Variants in DMXL1 observed in about 807,000 individuals in gnomAD.
The protein encoded by DMXL1 is dmX-like protein 1.
DMXL1 carries 99 observed loss-of-function variants against 319.2 expected under a neutral mutation model. The ratio of observed to expected loss-of-function variants is 0.31; its 90% CI spans 0.26 to 0.37. DMXL1 has a LOEUF of 0.37. DMXL1 is among the 10% of genes least tolerant of loss of function. DMXL1 has a pLI of 1.00. For missense variants in DMXL1, 3,745 were observed against 3,595.6 expected (o/e 1.04, Z -1.06); for synonymous variants, 1,385 against 1,235.2 (o/e 1.12, Z -2.54).
rs901249029 is a variant in DMXL1, at chr5:119,123,129, C to G, written c.1102+1990C>G. On this transcript the variant is annotated intron_variant, in intron 9 of 43. Transcript: ENST00000539542. Reference sequence around the variant, plus strand: ...CGGCCCGGCCAACACAGCGAAATCCCGTCTCCACCAAAAAAATACGAAAAC... The same window carrying G: ...CGGCCCGGCCAACACAGCGAAATCCGGTCTCCACCAAAAAAATACGAAAAC... Among the ~76,000 whole-genome samples the G allele has an allele frequency of 2.3e-4, 35 of 152,134 alleles. 1 individual carries two copies. The highest frequency in any genetic ancestry group is 7.9e-4 in the African/African-American group (33 of 41,548).
At chr5:119,108,512 TC>T (rs1758849747) in intron 4 of DMXL1, among the ~76,000 whole-genome samples, 1 of 152,194 alleles carries the variant, frequency 6.6e-6, no homozygotes, top group South Asian at 2.1e-4. Context: ...CAGCCTTGAC[TC>T]CCCAGGCTTG....
chr5:119,075,807 C>A (rs1285989491), intron 1 of DMXL1, among the ~76,000 whole-genome samples: 1 of 151,878 alleles, frequency 6.6e-6, no homozygotes, highest in Non-Finnish European at 1.5e-5. Context: ...TCAAGTGATC[C>A]TCCCGCCTTG....
At chr5:119,165,796 T>G (rs925388984) in intron 21 of DMXL1, among the ~76,000 whole-genome samples, 3 of 152,188 alleles carry the variant, frequency 2.0e-5, no homozygotes, top group Non-Finnish European at 4.4e-5. Context: ...ATCACAAGAA[T>G]AGCATGGAAA....
chr5:119,181,832 CA>C (rs1447745231), intron 28 of DMXL1, among the ~76,000 whole-genome samples: 1 of 151,344 alleles, frequency 6.6e-6, no homozygotes, highest in African/African-American at 2.4e-5. Flanking sequence ...AGAAAAGGAG[CA>C]GGCAGAAAGA....
chr5:119,210,757 G>GTTTTTTTTTTTTTTTTTTTTTTTTTTT, intron 34 of DMXL1, among the ~76,000 whole-genome samples: 4 of 89,776 alleles, frequency 4.5e-5, no homozygotes, highest in Admixed American at 2.9e-4. Context: ...TTTTTCTTTC[G>GTTTTTTTTTTTTTTTTTTTTTTTTTTT]TTTTTTTTTT....
rs368074734 is a variant in DMXL1, at chr5:119,173,599, G to A, written c.6681+1630G>A. Among the ~76,000 whole-genome samples the A allele has an allele frequency of 9.8e-4, 148 of 150,478 alleles. 2 individuals are homozygous for A. The highest frequency in any genetic ancestry group is 3.5e-3 in the African/African-American group (144 of 40,956). The stretch of plus-strand genomic sequence containing the variant: ...ACTGACAGGAGAATCTGGGTCATAT[G>A]TATCTCATCCTCCAGCAGGCAAGCC... On this transcript the variant is annotated intron_variant, in intron 25 of 43. Coordinates refer to ENST00000539542, the MANE Select transcript of DMXL1 (RefSeq NM_001290321.3).
intron 33 of DMXL1, among the ~76,000 whole-genome samples, chr5:119,204,345 C>A (rs1781385084): frequency 6.6e-6 from 1 of 152,040 alleles, no homozygotes; most frequent in Admixed American, 6.6e-5. Flanking sequence ...CACCATATTG[C>A]CCAGGGTGGT....
At chr5:119,125,544 G>A (rs1763334160) in intron 9 of DMXL1, among the ~76,000 whole-genome samples, 1 of 151,748 alleles carries the variant, frequency 6.6e-6, no homozygotes, top group Non-Finnish European at 1.5e-5. Flanking sequence ...TTTTGTGTGT[G>A]TATATATATA....
chr5:119,224,754 C>G lies in DMXL1; in HGVS notation c.8323C>G (p.Pro2775Ala). 1 of 1,305,128 alleles carries G rather than the reference C, an allele frequency of 7.7e-7. No homozygotes were observed. Among genetic ancestry groups the G allele is most frequent in the Non-Finnish European group, 1.0e-6 (1 of 980,102 alleles). The allele number at this position is 1,305,128 out of a possible 1,614,324, so 80.8% of individuals were successfully genotyped here. The change falls in exon 38 of 44, where the codon CCA (proline) becomes GCA (alanine). Residue 2775 changes from proline to alanine, a missense_variant. By Grantham distance (27) the Pro-to-Ala change is conservative (BLOSUM62 -1). Transcript: ENST00000539542. Reference sequence around the variant, plus strand: ...TAATGTTAGAAGAATGACTTCTCATCCAACTCTTCCTTACTGTAAGTTGAA... The same window carrying G: ...TAATGTTAGAAGAATGACTTCTCATGCAACTCTTCCTTACTGTAAGTTGAA... ...INNVRRMTSH[P>A]TLPYYLTGAQ...
intron 35 of DMXL1, among the ~76,000 whole-genome samples, chr5:119,219,977 C>T (rs1784375442): frequency 6.6e-6 from 1 of 150,732 alleles, no homozygotes; most frequent in South Asian, 2.1e-4. Context: ...TATTTCTGCC[C>T]CTACACCTTT....
chr5:119,150,178 C>A lies in DMXL1; in HGVS notation c.4351C>A (p.Leu1451Ile), dbSNP rs1377795214. 6.2e-7 allele frequency: 1 copy of A among 1,613,600 alleles called. No homozygotes were observed. The highest frequency in any genetic ancestry group is 2.2e-5 in the East Asian group (1 of 44,896). Residue 1451 changes from leucine to isoleucine, a missense_variant, in exon 18 of 44, where the codon CTT (leucine) becomes ATT (isoleucine). By Grantham distance (5) the Leu-to-Ile change is conservative. Transcript: ENST00000539542. The part of the protein sequence containing the change: ...ESYDELFQTQ[L>I]LMTDTHMLET... ...TTATGATGAGCTTTTTCAGACTCAA[C>A]TTCTAATGACTGATACTCATATGTT...
intron 17 of DMXL1, among the ~76,000 whole-genome samples, chr5:119,147,994 C>G (rs1049745384): frequency 6.6e-6 from 1 of 152,196 alleles, no homozygotes; most frequent in Non-Finnish European, 1.5e-5. Context: ...CCTGGACTTA[C>G]AAACCTTTAA....
chr5:119,167,352 C>G (rs1278234468), intron 22 of DMXL1, among the ~76,000 whole-genome samples: 1 of 151,946 alleles, frequency 6.6e-6, no homozygotes, highest in African/African-American at 2.4e-5. Context: ...TCCATTGTTT[C>G]CTCATTTAGT....
chr5:119,105,082 C>A, intron 3 of DMXL1, 98 bp from the exon 4 acceptor site: 1 of 740,604 alleles, frequency 1.4e-6, no homozygotes, highest in Non-Finnish European at 2.4e-6. Context: ...TTAAAATTGA[C>A]TGCCTGTGTT....
chr5:119,108,353 A>C (rs1040969175), intron 4 of DMXL1, among the ~76,000 whole-genome samples: 4 of 152,136 alleles, frequency 2.6e-5, no homozygotes, highest in African/African-American at 9.7e-5. Context: ...CCCAAGTCAT[A>C]GAGTTGGAAT....
intron 22 of DMXL1, 34 bp from the exon 23 acceptor site, chr5:119,167,569 C>T (rs1305625357): frequency 6.6e-7 from 1 of 1,513,592 alleles, no homozygotes; most frequent in African/African-American, 1.4e-5. Flanking sequence ...GAAACCTGCT[C>T]CTGCTTATTT....
intron 10 of DMXL1, chr5:119,132,735 C>CA (rs892482766): frequency 9.6e-5 from 51 of 529,934 alleles, no homozygotes; most frequent in African/African-American, 9.5e-4. Flanking sequence ...CCTATATTGG[C>CA]ATTGCTGCTG....
At chr5:119,233,614 A>G (rs1163060750) in intron 39 of DMXL1, 147 bp downstream of exon 39, 7 of 569,124 alleles carry the variant, frequency 1.2e-5, no homozygotes, top group East Asian at 6.1e-5. Context: ...CTCAAAGAAC[A>G]CTTAACTTCA....
At chr5:119,166,570 GAAAATTGTATTCCAA>G in intron 21 of DMXL1, 31 bp from the exon 22 acceptor site, 1 of 1,545,608 alleles carries the variant, frequency 6.5e-7, no homozygotes, top group Non-Finnish European at 8.8e-7. Context: ...CTGATGTAAA[GAAAATTGTATTCCAA>G]AATTTTCACA....
Sources: gnomAD v4.1 joint callset for allele counts (sites outside exome capture counted in the v4.1 genomes callset) on GRCh38, gnomAD v4.1.1 for gene constraint, MANE v1.5 for transcripts, NCBI Gene and HGNC (gene_info 2026-07-23, HGNC 2026-07-21) for gene names.